The following TRPM3 variants were observed in gnomAD, a reference collection of about 807,000 sequenced individuals.
TRPM3 encodes the protein long transient receptor potential channel 3.
TRPM3 carries 77 observed loss-of-function variants against 181.2 expected under a neutral mutation model. The ratio of observed to expected loss-of-function variants is 0.42; its 90% CI spans 0.35 to 0.51. The LOEUF is 0.51. TRPM3 is among the 20% of genes least tolerant of loss of function. The pLI, the probability that TRPM3 is intolerant of heterozygous loss-of-function variation, is 0.01. For synonymous variants in TRPM3, 745 were observed against 796.4 expected, an observed-to-expected ratio of 0.94 and a Z score of 1.09; for missense variants, 1,759 against 2,196.7, an observed-to-expected ratio of 0.80 and a Z score of 3.98.
At chr9:70,635,363 G>A in intron 11 of TRPM3, 102 bp from the exon 12 acceptor site, 1 of 911,504 alleles carries the variant, frequency 1.1e-6, no homozygotes, top group Non-Finnish European at 1.8e-6. Context: ...GTGGAGGGCA[G>A]TTCATTAAGA....
chr9:71,204,456 G>A (rs2079002305), intron 1 of TRPM3, among the ~76,000 whole-genome samples: 1 of 152,178 alleles, frequency 6.6e-6, no homozygotes, highest in Non-Finnish European at 1.5e-5. Flanking sequence ...AAAGACACAT[G>A]AAAAATTGCT....
intron 1 of TRPM3, among the ~76,000 whole-genome samples, chr9:71,263,066 A>C (rs984211): frequency 0.99 from 150,293 of 152,308 alleles, 74,174 homozygotes; most frequent in East Asian, 1. Flanking sequence ...GCTTTAAGGC[A>C]AATTGGAAAA....
intron 1 of TRPM3, among the ~76,000 whole-genome samples, chr9:71,413,152 C>T (rs1394038222): frequency 6.6e-6 from 1 of 151,946 alleles, no homozygotes; most frequent in African/African-American, 2.4e-5. Context: ...ATGTAAGTGA[C>T]GAGTTAATGG....
At chr9:71,099,091 A>G (rs1262170969) in intron 1 of TRPM3, among the ~76,000 whole-genome samples, 8 of 152,154 alleles carry the variant, frequency 5.3e-5, no homozygotes, top group Non-Finnish European at 1.0e-4. Flanking sequence ...AATACTGTAA[A>G]CTAGGTGGCT....
chr9:71,299,331 T>C (rs185282953), intron 1 of TRPM3, among the ~76,000 whole-genome samples: 1 of 152,332 alleles, frequency 6.6e-6, no homozygotes, highest in Admixed American at 6.5e-5. Flanking sequence ...CTTAACTCTG[T>C]GCCCAGTGTT....
At chr9:71,396,965 CAAAA>C (rs76027591) in intron 1 of TRPM3, among the ~76,000 whole-genome samples, 1 of 97,478 alleles carries the variant, frequency 1.0e-5, no homozygotes, top group Non-Finnish European at 2.2e-5. Context: ...GACTTCATCT[CAAAA>C]AAAAAAAAAA....
intron 1 of TRPM3, among the ~76,000 whole-genome samples, chr9:71,199,235 G>A (rs887672075): frequency 4.0e-5 from 6 of 151,294 alleles, no homozygotes; most frequent in African/African-American, 1.4e-4. Flanking sequence ...ACTTGATCAT[G>A]GTGGATAAGC....
intron 3 of TRPM3, among the ~76,000 whole-genome samples, chr9:70,849,484 T>C (rs1035788518): frequency 2.0e-5 from 3 of 152,154 alleles, no homozygotes; most frequent in African/African-American, 7.2e-5. Flanking sequence ...GCAGGACTTA[T>C]GTGATCCAAA....
chr9:71,232,948 A>C (rs2081154914), intron 1 of TRPM3, among the ~76,000 whole-genome samples: 3 of 152,168 alleles, frequency 2.0e-5, no homozygotes, highest in Non-Finnish European at 4.4e-5. Flanking sequence ...TGGGTAATCC[A>C]GGGATCATCT....
At chr9:71,356,342 C>T (rs903733803) in intron 1 of TRPM3, among the ~76,000 whole-genome samples, 1 of 152,020 alleles carries the variant, frequency 6.6e-6, no homozygotes, top group East Asian at 1.9e-4. Flanking sequence ...CCCCAATAGG[C>T]CCCAGTGTGT....
intron 1 of TRPM3, among the ~76,000 whole-genome samples, chr9:71,004,141 G>A (rs2097648186): frequency 6.6e-6 from 1 of 152,232 alleles, no homozygotes; most frequent in Admixed American, 6.5e-5. Context: ...CAGGGTAGCT[G>A]CCCTATGCTC....
intron 1 of TRPM3, among the ~76,000 whole-genome samples, chr9:71,355,809 A>G (rs1398846492): frequency 6.6e-6 from 1 of 151,358 alleles, no homozygotes; most frequent in Non-Finnish European, 1.5e-5. Flanking sequence ...TAATATTTAG[A>G]TTTTCACCAC....
At chr9:71,048,888 T>C (rs2059759078) in intron 1 of TRPM3, among the ~76,000 whole-genome samples, 1 of 152,194 alleles carries the variant, frequency 6.6e-6, no homozygotes, top group Non-Finnish European at 1.5e-5. Flanking sequence ...TAGAAATCAC[T>C]TAATGGAAAA....
chr9:71,103,947 T>C (rs2068925004), intron 1 of TRPM3, among the ~76,000 whole-genome samples: 1 of 151,610 alleles, frequency 6.6e-6, no homozygotes. Flanking sequence ...CAGAGTCTCG[T>C]TTTGTTGCCC....
chr9:70,741,453 C>T (rs1286141433), intron 8 of TRPM3, among the ~76,000 whole-genome samples: 4 of 152,038 alleles, frequency 2.6e-5, no homozygotes, highest in Admixed American at 2.0e-4. Flanking sequence ...CTATTTGATC[C>T]AGGAATCACA....
intron 1 of TRPM3, among the ~76,000 whole-genome samples, chr9:71,359,422 G>A (rs1309163903): frequency 6.6e-6 from 1 of 152,170 alleles, no homozygotes; most frequent in Non-Finnish European, 1.5e-5. Context: ...TATTTAAAAT[G>A]TGCCTATGTA....
chr9:71,186,088 G>T (rs1055214459), intron 1 of TRPM3, among the ~76,000 whole-genome samples: 1 of 151,852 alleles, frequency 6.6e-6, no homozygotes, highest in African/African-American at 2.4e-5. Context: ...CTGACTTCAC[G>T]GCATCCTCCA....
chr9:71,061,883 G>T (rs2061374803), intron 1 of TRPM3, among the ~76,000 whole-genome samples: 1 of 151,986 alleles, frequency 6.6e-6, no homozygotes, highest in Non-Finnish European at 1.5e-5. Flanking sequence ...TCTTCCTAGT[G>T]CATCTCTGGA....
intron 1 of TRPM3, among the ~76,000 whole-genome samples, chr9:71,319,742 C>T (rs753179187): frequency 2.0e-4 from 31 of 152,022 alleles, no homozygotes; most frequent in Non-Finnish European, 4.4e-5. Context: ...AAAAATGTTA[C>T]CCTTAGCCTC....
Sources: gnomAD v4.1 joint callset for allele counts (sites outside exome capture counted in the v4.1 genomes callset) on GRCh38, gnomAD v4.1.1 for gene constraint, MANE v1.5 for transcripts, NCBI Gene and HGNC (gene_info 2026-07-23, HGNC 2026-07-21) for gene names.